Variants in PCDH15 observed in about 807,000 individuals in gnomAD.
PCDH15 encodes protocadherin-15.
PCDH15 carries 129 observed loss-of-function variants against 178.5 expected under a neutral mutation model. The observed-to-expected ratio is 0.72, with a 90% CI of 0.63 to 0.84. The LOEUF is 0.84. PCDH15 is among the 40% of genes least tolerant of loss of function. The pLI is 0.00. For synonymous variants in PCDH15, 800 were observed against 732.0 expected (o/e 1.09, Z -1.50); for missense variants, 2,230 against 2,099.9 (o/e 1.06, Z -1.21).
chr10:55,385,243 A>G (rs1351685068), intron 2 of PCDH15, among the ~76,000 whole-genome samples: 1 of 152,142 alleles, frequency 6.6e-6, no homozygotes, highest in Non-Finnish European at 1.5e-5. Context: ...AGAATTGCAG[A>G]GGCATTGGGG....
chr10:53,849,876 A>G (rs1424522185), intron 28 of PCDH15, among the ~76,000 whole-genome samples: 3 of 150,578 alleles, frequency 2.0e-5, no homozygotes, highest in East Asian at 1.9e-4. Flanking sequence ...AAAAAAAAAA[A>G]AAAAAAAGAA....
chr10:55,374,905 A>C (rs768123440), intron 2 of PCDH15, among the ~76,000 whole-genome samples: 4 of 152,016 alleles, frequency 2.6e-5, no homozygotes, highest in Non-Finnish European at 5.9e-5. Context: ...ATAAAAATAG[A>C]GTAGAAAGGA....
intron 1 of PCDH15, among the ~76,000 whole-genome samples, chr10:54,717,909 C>A (rs2095500768): frequency 6.9e-6 from 1 of 144,794 alleles, no homozygotes; most frequent in African/African-American, 2.6e-5. Flanking sequence ...GGCACATATA[C>A]ACCATGGAAT....
intron 1 of PCDH15, among the ~76,000 whole-genome samples, chr10:55,253,427 C>G (rs1366262484): frequency 6.6e-6 from 1 of 151,694 alleles, no homozygotes; most frequent in Non-Finnish European, 1.5e-5. Context: ...AATTTTACTA[C>G]CTAAGTCTTG....
chr10:54,834,870 G>A (rs1413115734), intron 3 of PCDH15, among the ~76,000 whole-genome samples: 1 of 152,130 alleles, frequency 6.6e-6, no homozygotes, highest in Admixed American at 6.5e-5. Flanking sequence ...ACCCTAGCAT[G>A]CACTGTGTTA....
intron 16 of PCDH15, among the ~76,000 whole-genome samples, chr10:54,087,753 C>T (rs1239933930): frequency 6.6e-6 from 1 of 152,144 alleles, no homozygotes; most frequent in Non-Finnish European, 1.5e-5. Context: ...AATCCATGTC[C>T]TTGCCCAAAT....
chr10:54,935,690 C>T (rs1837887144), intron 2 of PCDH15, among the ~76,000 whole-genome samples: 1 of 152,014 alleles, frequency 6.6e-6, no homozygotes, highest in Admixed American at 6.6e-5. Context: ...TTGCAATTTT[C>T]CTTCGTATCC....
At chr10:54,197,775 A>T (rs7899173) in intron 10 of PCDH15, among the ~76,000 whole-genome samples, 32,587 of 152,080 alleles carry the variant, frequency 0.21, 5,123 homozygotes, top group African/African-American at 0.44. Flanking sequence ...ACCAAGAAAT[A>T]TTACAATATA....
intron 8 of PCDH15, among the ~76,000 whole-genome samples, chr10:54,257,054 T>TAGAC (rs2056951211): frequency 1.1e-5 from 1 of 95,130 alleles, no homozygotes; most frequent in Non-Finnish European, 2.2e-5. Flanking sequence ...ATAGATTAGA[T>TAGAC]AGATAGATAG....
chr10:55,381,499 CA>C (rs1319083663), intron 2 of PCDH15, among the ~76,000 whole-genome samples: 2 of 152,056 alleles, frequency 1.3e-5, no homozygotes, highest in East Asian at 3.9e-4. Flanking sequence ...CATGGTCATC[CA>C]ACAGAGCATA....
chr10:54,388,861 C>A (rs1377104928), intron 3 of PCDH15, among the ~76,000 whole-genome samples: 1 of 152,166 alleles, frequency 6.6e-6, no homozygotes, highest in Non-Finnish European at 1.5e-5. Context: ...TAAGGACCCT[C>A]CTCCATGATA....
intron 3 of PCDH15, among the ~76,000 whole-genome samples, chr10:54,857,266 CATAAAT>C (rs1356391855): frequency 1.3e-5 from 2 of 152,174 alleles, no homozygotes; most frequent in Non-Finnish European, 2.9e-5. Context: ...TAAATGAACT[CATAAAT>C]ATAAACTAAT....
At chr10:54,443,952 C>T (rs1250945701) in intron 3 of PCDH15, among the ~76,000 whole-genome samples, 1 of 151,650 alleles carries the variant, frequency 6.6e-6, no homozygotes, top group Non-Finnish European at 1.5e-5. Context: ...AGTTTACATA[C>T]ACATGTTTAA....
At chr10:54,909,892 G>A (rs1954789830) in intron 2 of PCDH15, among the ~76,000 whole-genome samples, 1 of 152,044 alleles carries the variant, frequency 6.6e-6, no homozygotes, top group Admixed American at 6.6e-5. Context: ...CCTCACGATG[G>A]CTCCCAGGGA....
chr10:54,618,604 C>T lies in PCDH15; in HGVS notation c.91+45568G>A, dbSNP rs1391420920. Among the ~76,000 whole-genome samples the T allele has an allele frequency of 2.6e-5, 4 of 152,058 alleles. No individual in the cohort carries two copies. The East Asian group carries it at 7.7e-4, about 29-fold the overall frequency. On this transcript the variant is annotated intron_variant, in intron 2 of 37. Coordinates refer to ENST00000644397, the MANE Select transcript of PCDH15 (RefSeq NM_001384140.1). ...TCATTATTATTGTTTGAATAGTAAT[C>T]TCTGTATGTAAATAGACATACATAT...
intron 1 of PCDH15, among the ~76,000 whole-genome samples, chr10:55,219,054 A>G (rs1192423218): frequency 2.0e-5 from 3 of 151,986 alleles, no homozygotes; most frequent in Non-Finnish European, 2.9e-5. Flanking sequence ...ACTTTGTTTT[A>G]ATAATCTCTA....
intron 3 of PCDH15, among the ~76,000 whole-genome samples, chr10:54,433,539 TAGA>T (rs1482336805): frequency 1.3e-5 from 2 of 151,840 alleles, no homozygotes; most frequent in African/African-American, 4.8e-5. Flanking sequence ...AGATAGAGAG[TAGA>T]AGCCTTGGAA....
intron 3 of PCDH15, among the ~76,000 whole-genome samples, chr10:54,516,866 C>G (rs1281909692): frequency 6.6e-6 from 1 of 152,186 alleles, no homozygotes; most frequent in Non-Finnish European, 1.5e-5. Flanking sequence ...GATCTCTCGG[C>G]AGAAACTCTA....
At chr10:54,357,961 A>T (rs969885934) in intron 5 of PCDH15, among the ~76,000 whole-genome samples, 9 of 152,118 alleles carry the variant, frequency 5.9e-5, no homozygotes, top group African/African-American at 2.2e-4. Context: ...GGCTAGCCAT[A>T]TGGAGAAAGC....
Sources: gnomAD v4.1 joint callset for allele counts (sites outside exome capture counted in the v4.1 genomes callset) on GRCh38, gnomAD v4.1.1 for gene constraint, MANE v1.5 for transcripts, NCBI Gene and HGNC (gene_info 2026-07-23, HGNC 2026-07-21) for gene names.